The following RASGEF1C variants were observed in gnomAD, a reference collection of about 807,000 sequenced individuals.
RASGEF1C encodes the protein ras-GEF domain-containing family member 1C.
Under a neutral mutation model 58.1 loss-of-function variants are expected in RASGEF1C, and 27 were observed. That is an observed-to-expected ratio of 0.46 (90% CI 0.34 to 0.64). RASGEF1C has a LOEUF of 0.64. Ranked by LOEUF, RASGEF1C falls within the 30% of genes least tolerant of loss-of-function variation. RASGEF1C has a pLI of 0.01. For synonymous variants in RASGEF1C, 243 were observed against 246.3 expected (o/e 0.99, Z 0.13); for missense variants, 502 against 605.1 (o/e 0.83, Z 1.79).
rs978041588 is a variant in RASGEF1C, at chr5:180,155,917, C to A, written c.-6-17859G>T. 2.6e-5 allele frequency among the ~76,000 whole-genome samples: 4 copies of A among 152,292 alleles called. No homozygotes were observed. Among genetic ancestry groups the A allele is most frequent in the Admixed American group, 6.5e-5 (1 of 15,302 alleles). ...CTGGCCAAGAGGGCACTGTCCCCCC[C>A]TCACTGCTGAGCAAGCAAGTGACCA... On this transcript the variant is annotated intron_variant, in intron 1 of 13. Transcript: ENST00000361132. The surrounding 1 kb of genome is among the most constrained non-coding windows in gnomAD (Gnocchi z 5.2).
At chr5:180,128,126 A>T (rs1055229821) in intron 5 of RASGEF1C, among the ~76,000 whole-genome samples, 2 of 152,206 alleles carry the variant, frequency 1.3e-5, no homozygotes, top group Non-Finnish European at 2.9e-5. Context: ...TGGCCAGGTG[A>T]TGGAGACATG....
At chr5:180,121,681 A>ACACACACACACACACC (rs71892414) in intron 6 of RASGEF1C, among the ~76,000 whole-genome samples, 3 of 73,468 alleles carry the variant, frequency 4.1e-5, no homozygotes, top group South Asian at 6.3e-4. Flanking sequence ...ACACACACAC[A>ACACACACACACACACC]CCCTCATTAT....
At chr5:180,116,068 C>T (rs1766061257) in intron 10 of RASGEF1C, among the ~76,000 whole-genome samples, 1 of 152,116 alleles carries the variant, frequency 6.6e-6, no homozygotes. Context: ...GAGGCAGTGG[C>T]ATTGAGCTGG....
chr5:180,129,760 C>T (rs1385712468), intron 4 of RASGEF1C, among the ~76,000 whole-genome samples: 1 of 152,240 alleles, frequency 6.6e-6, no homozygotes, highest in Non-Finnish European at 1.5e-5. Flanking sequence ...ACTGCCTCTG[C>T]CAGTGCCCAG....
rs890412596 is a variant in RASGEF1C, at chr5:180,137,632, C to T, written c.258G>A (p.Leu86=). ...PRELLARVCH[L]CIEQQQLDKP... The stretch of plus-strand genomic sequence containing the variant: ...TGTCCAGCTGCTGCTGCTCGATGCA[C>T]AGGTGGCAGACCCGGGCCAGGAGCT... Residue 86 remains leucine (L), a synonymous_variant, in exon 3 of 14, where the codon CTG becomes CTA. Coordinates refer to ENST00000361132, the MANE Select transcript of RASGEF1C (RefSeq NM_175062.4). The surrounding 1 kb of genome is among the most constrained non-coding windows in gnomAD (Gnocchi z 4.1). 1.2e-6 allele frequency: 2 copies of T among 1,612,342 alleles called. No individual in the cohort carries two copies. The highest frequency in any genetic ancestry group is 1.7e-5 in the Admixed American group (1 of 59,976).
intron 1 of RASGEF1C, among the ~76,000 whole-genome samples, chr5:180,191,400 A>G (rs1462533050): frequency 6.6e-6 from 1 of 151,906 alleles, no homozygotes; most frequent in African/African-American, 2.4e-5. Flanking sequence ...TCTGTCGCCC[A>G]GGCTGGAGTG....
At chr5:180,102,225 T>C in intron 12 of RASGEF1C, 82 bp from the exon 13 acceptor site, 1 of 808,578 alleles carries the variant, frequency 1.2e-6, no homozygotes, top group Non-Finnish European at 2.1e-6. Context: ...TGCGTGGGTC[T>C]CTTTCTGGGT....
At chr5:180,154,095 C>T (rs1766811191) in intron 1 of RASGEF1C, among the ~76,000 whole-genome samples, 2 of 152,224 alleles carry the variant, frequency 1.3e-5, no homozygotes, top group African/African-American at 4.8e-5. Context: ...TTTTACTTCT[C>T]TCTGTGAAGG....
In RASGEF1C at chr5:180,128,592, G is replaced by GCATC; in HGVS notation, c.453_456dup (p.His153AspfsTer71). 6.2e-7 allele frequency: 1 copy of GCATC among 1,613,932 alleles called. No homozygotes were observed. The highest frequency in any genetic ancestry group is 1.1e-5 in the South Asian group (1 of 91,070). ...TGGTGCAGAGCCTGTAGGAGCTGAT[G>GCATC]CATCCTCTTCCGGTATGCCTGGTGG... is the stretch of plus-strand genomic sequence containing the variant. On this transcript the variant is annotated frameshift_variant, in exon 5 of 14. Coordinates refer to ENST00000361132, the MANE Select transcript of RASGEF1C (RefSeq NM_175062.4). LOFTEE classifies it high-confidence loss of function.
intron 1 of RASGEF1C, among the ~76,000 whole-genome samples, chr5:180,159,093 C>A (rs900004877): frequency 2.7e-5 from 4 of 150,388 alleles, no homozygotes; most frequent in Non-Finnish European, 5.9e-5. Flanking sequence ...GTAATATCTT[C>A]TCTTACCTCT....
At chr5:180,184,759 A>C (rs1340700380) in intron 1 of RASGEF1C, among the ~76,000 whole-genome samples, 1 of 152,222 alleles carries the variant, frequency 6.6e-6, no homozygotes, top group African/African-American at 2.4e-5. Context: ...TATTTTATCT[A>C]TATGATTATC....
intron 12 of RASGEF1C, among the ~76,000 whole-genome samples, chr5:180,103,158 A>G (rs1236720130): frequency 6.6e-6 from 1 of 152,122 alleles, no homozygotes; most frequent in Non-Finnish European, 1.5e-5. Context: ...GCTCACTGCA[A>G]GCTCTGCCTC....
chr5:180,184,470 G>A (rs10067525), intron 1 of RASGEF1C, among the ~76,000 whole-genome samples: 4,337 of 151,710 alleles, frequency 0.029, 201 homozygotes, highest in African/African-American at 0.1. Context: ...CCAGCTACTC[G>A]GGAGGCTGAG....
At chr5:180,182,235 T>C (rs1340104321) in intron 1 of RASGEF1C, among the ~76,000 whole-genome samples, 1 of 115,526 alleles carries the variant, frequency 8.7e-6, no homozygotes, top group Non-Finnish European at 1.8e-5. Flanking sequence ...AAAAAAAGAA[T>C]GAAGCCATGG....
intron 4 of RASGEF1C, among the ~76,000 whole-genome samples, chr5:180,131,658 T>A (rs2113270752): frequency 6.6e-6 from 1 of 152,336 alleles, no homozygotes; most frequent in Admixed American, 6.5e-5. Context: ...GTCTGCTGAA[T>A]GCGTGGATAA....
At chr5:180,207,709 C>T (rs998010398) in intron 1 of RASGEF1C, among the ~76,000 whole-genome samples, 1 of 152,186 alleles carries the variant, frequency 6.6e-6, no homozygotes, top group Non-Finnish European at 1.5e-5. Context: ...CTGCAAACCG[C>T]CTGGGGGCTG....
chr5:180,116,222 G>A (rs1359243030), intron 10 of RASGEF1C, among the ~76,000 whole-genome samples: 2 of 152,104 alleles, frequency 1.3e-5, no homozygotes, highest in Non-Finnish European at 1.5e-5. Flanking sequence ...CAAATCCACT[G>A]CCCTTGCTTC....
At chr5:180,147,644 G>C (rs943179020) in intron 1 of RASGEF1C, among the ~76,000 whole-genome samples, 2 of 152,070 alleles carry the variant, frequency 1.3e-5, no homozygotes, top group African/African-American at 4.8e-5. Flanking sequence ...ATTTCATCCT[G>C]TCATAGTTGG....
intron 1 of RASGEF1C, among the ~76,000 whole-genome samples, chr5:180,142,187 CCTCT>C (rs1302081518): frequency 6.6e-6 from 1 of 152,028 alleles, no homozygotes; most frequent in African/African-American, 2.4e-5. Context: ...TCCATTTCTC[CCTCT>C]GTCTGCCTCG....
Sources: allele counts gnomAD v4.1 joint callset (sites outside exome capture counted in the v4.1 genomes callset), GRCh38; gene constraint gnomAD v4.1.1; non-coding constraint Gnocchi (gnomAD v3.1); transcripts MANE v1.5; gene names NCBI Gene and HGNC (gene_info 2026-07-23, HGNC 2026-07-21).